Variants in SUPT3H observed in about 807,000 individuals in gnomAD.
The protein encoded by SUPT3H is SPT3 homolog, SAGA and STAGA complex component.
SUPT3H carries 44 observed loss-of-function variants against 44.3 expected under a neutral mutation model. The observed-to-expected ratio is 0.99, with a 90% CI of 0.78 to 1.28. The LOEUF is 1.28. SUPT3H is among the 50% of genes most tolerant of loss of function. The probability of loss-of-function intolerance (pLI) is 0.00; values close to 1 mark genes in which losing one functional copy is unlikely to be tolerated. For synonymous variants in SUPT3H, 124 were observed against 125.6 expected, an observed-to-expected ratio of 0.99 and a Z score of 0.09; for missense variants, 380 against 387.1, an observed-to-expected ratio of 0.98 and a Z score of 0.15.
intron 7 of SUPT3H, among the ~76,000 whole-genome samples, chr6:44,960,806 G>T (rs965060378): frequency 6.6e-6 from 1 of 151,646 alleles, no homozygotes; most frequent in African/African-American, 2.4e-5. Flanking sequence ...AGTATATTTA[G>T]TCAGAAAAAA....
chr6:45,114,980 T>C (rs1277039713), intron 2 of SUPT3H, among the ~76,000 whole-genome samples: 2 of 152,138 alleles, frequency 1.3e-5, no homozygotes, highest in African/African-American at 2.4e-5. Context: ...TAAATGAACA[T>C]CTATTAAGCC....
At chr6:45,094,953 T>C (rs1350819802) in intron 3 of SUPT3H, among the ~76,000 whole-genome samples, 3 of 152,122 alleles carry the variant, frequency 2.0e-5, no homozygotes, top group Admixed American at 6.6e-5. Context: ...ACGTGTGTGT[T>C]TTCCCCAAAG....
chr6:45,275,394 T>C (rs7753900), intron 2 of SUPT3H, among the ~76,000 whole-genome samples: 149,201 of 152,292 alleles, frequency 0.98, 73,097 homozygotes, highest in Middle Eastern at 1. Flanking sequence ...GAAAAAATCA[T>C]TATGACATAT....
intron 3 of SUPT3H, among the ~76,000 whole-genome samples, chr6:45,073,303 G>A (rs1794626628): frequency 6.6e-6 from 1 of 151,836 alleles, no homozygotes; most frequent in Non-Finnish European, 1.5e-5. Context: ...AAGTGCCCTA[G>A]TATCTACATA....
At chr6:45,019,591 T>C (rs114055365) in intron 4 of SUPT3H, among the ~76,000 whole-genome samples, 180 of 152,132 alleles carry the variant, frequency 1.2e-3, no homozygotes, top group African/African-American at 4.1e-3. Flanking sequence ...TTCTTGACCT[T>C]CAGGTTCAAG....
rs1005934923 is a variant in SUPT3H, at chr6:44,829,487, C to T, written c.*329G>A. 4 of 201,248 alleles carry T rather than the reference C, an allele frequency of 2.0e-5. No individual in the cohort carries two copies. The highest frequency in any genetic ancestry group is 1.7e-4 in the South Asian group (1 of 5,934). 12.5% of individuals were successfully genotyped at this position (201,248 alleles called of 1,614,324 possible). ...AATAAAATGCAGACAAAACGCTGGA[C>T]GGGGGCAACCACTGCTTTTAAGGTA... On this transcript the variant is annotated 3_prime_UTR_variant, in exon 11 of 11. Transcript: ENST00000371459.
chr6:44,838,459 GT>G (rs1197326599), intron 10 of SUPT3H, among the ~76,000 whole-genome samples: 4 of 152,178 alleles, frequency 2.6e-5, no homozygotes, highest in African/African-American at 9.7e-5. Context: ...CATCAAGGAG[GT>G]TTCTTGAAGA....
chr6:45,267,968 T>C (rs1307432227), intron 2 of SUPT3H, among the ~76,000 whole-genome samples: 2 of 152,218 alleles, frequency 1.3e-5, no homozygotes, highest in African/African-American at 2.4e-5. Flanking sequence ...TTATTTGCTA[T>C]GCAACAATAG....
chr6:45,140,729 C>A (rs1400180309), intron 2 of SUPT3H, among the ~76,000 whole-genome samples: 1 of 152,128 alleles, frequency 6.6e-6, no homozygotes. Context: ...CATCACAGAA[C>A]TCTCTGCAGA....
intron 2 of SUPT3H, among the ~76,000 whole-genome samples, chr6:45,176,451 G>C (rs1470068512): frequency 1.3e-5 from 2 of 152,128 alleles, no homozygotes; most frequent in Non-Finnish European, 2.9e-5. Flanking sequence ...CTGATTGCTA[G>C]CACAGCAGTC....
chr6:45,258,170 C>T (rs1773729663), intron 2 of SUPT3H, among the ~76,000 whole-genome samples: 1 of 152,170 alleles, frequency 6.6e-6, no homozygotes, highest in African/African-American at 2.4e-5. Context: ...TTAGACACAA[C>T]TCCAAGAAGA....
rs2153576185 is a variant in SUPT3H at position 45,114,654 on chromosome 6, T to C, written c.102-8648A>G. On this transcript the variant is annotated intron_variant, in intron 2 of 10. Coordinates refer to ENST00000371459, the MANE Select transcript of SUPT3H (RefSeq NM_003599.4). ...TATCTTTATGAATTTCTTCTAACAA[T>C]TTACAGGGCATTTTTCCTCATATAT... Among the ~76,000 whole-genome samples the C allele has an allele frequency of 1.3e-5, 2 of 152,272 alleles. 1 individual carries two copies. Among genetic ancestry groups the C allele is most frequent in the South Asian group, 4.1e-4 (2 of 4,828 alleles).
At chr6:45,234,547 A>G (rs1482919459) in intron 2 of SUPT3H, among the ~76,000 whole-genome samples, 1 of 145,294 alleles carries the variant, frequency 6.9e-6, no homozygotes, top group African/African-American at 2.5e-5. Flanking sequence ...AAAAAAAAAA[A>G]GAAAAGAAAA....
At chr6:45,028,796 C>T (rs1408010926) in intron 3 of SUPT3H, among the ~76,000 whole-genome samples, 3 of 147,960 alleles carry the variant, frequency 2.0e-5, no homozygotes, top group East Asian at 2.0e-4. Flanking sequence ...GAGGAAGATG[C>T]GTTCACTAAA....
chr6:45,155,176 T>C (rs1807615008), intron 2 of SUPT3H, among the ~76,000 whole-genome samples: 1 of 152,214 alleles, frequency 6.6e-6, no homozygotes, highest in Admixed American at 6.5e-5. Flanking sequence ...AAATATTAAG[T>C]AGACTTTGCT....
intron 2 of SUPT3H, among the ~76,000 whole-genome samples, chr6:45,364,246 C>T (rs1794758628): frequency 6.6e-6 from 1 of 152,100 alleles, no homozygotes; most frequent in Non-Finnish European, 1.5e-5. Context: ...AGTTTGAGAG[C>T]TCCTGAACTA....
intron 10 of SUPT3H, among the ~76,000 whole-genome samples, chr6:44,913,402 T>C (rs899239303): frequency 1.3e-5 from 2 of 152,198 alleles, no homozygotes; most frequent in Admixed American, 1.3e-4. Context: ...AACTTGCAGC[T>C]GTCTAGCTTT....
intron 9 of SUPT3H, among the ~76,000 whole-genome samples, chr6:44,948,541 C>T (rs1773723498): frequency 6.6e-6 from 1 of 152,094 alleles, no homozygotes; most frequent in South Asian, 2.1e-4. Context: ...AACAAATTTA[C>T]AAGAAAAAAT....
chr6:45,211,275 T>C (rs2153630506), intron 2 of SUPT3H, among the ~76,000 whole-genome samples: 1 of 152,212 alleles, frequency 6.6e-6, no homozygotes, highest in Non-Finnish European at 1.5e-5. Context: ...TCCATCTCTG[T>C]AAGGTGAAGT....
Sources: gnomAD v4.1 joint callset for allele counts (sites outside exome capture counted in the v4.1 genomes callset) on GRCh38, gnomAD v4.1.1 for gene constraint, MANE v1.5 for transcripts, NCBI Gene and HGNC (gene_info 2026-07-23, HGNC 2026-07-21) for gene names.